Variants in KCNH7 observed in about 807,000 individuals in gnomAD.
KCNH7 encodes the protein voltage-gated inwardly rectifying potassium channel KCNH7.
Under a neutral mutation model 120.8 loss-of-function variants are expected in KCNH7, and 49 were observed. The ratio of observed to expected loss-of-function variants is 0.41; its 90% CI spans 0.32 to 0.51. KCNH7 has a LOEUF of 0.51. KCNH7 is among the 20% of genes least tolerant of loss of function. The pLI is 0.38. For missense variants in KCNH7, 1,097 were observed against 1,446.6 expected (o/e 0.76, Z 3.92); for synonymous variants, 547 against 516.1 (o/e 1.06, Z -0.81).
intron 2 of KCNH7, among the ~76,000 whole-genome samples, chr2:162,823,234 A>T (rs1326389099): frequency 4.9e-5 from 1 of 20,556 alleles, no homozygotes; most frequent in Non-Finnish European, 1.7e-4. Flanking sequence ...ATATGCTAAA[A>T]ATTGAAAAAA....
At position 162,453,050 on chromosome 2, in the gene KCNH7, T is replaced by C. The variant is rs145611133; in HGVS notation, c.1129-6607A>G. On this transcript the variant is annotated intron_variant, in intron 6 of 15. Transcript: ENST00000332142. The stretch of plus-strand genomic sequence containing the variant: ...GTGGTTTGCTGCACCTATCAACCCA[T>C]CATCTAGCTTTTAAGCCCCACATGC... Among the ~76,000 whole-genome samples the C allele has an allele frequency of 3.0e-3, 452 of 152,148 alleles. 9 individuals carry two copies. In the East Asian group the frequency reaches 0.081, roughly 27 times the overall value.
intron 2 of KCNH7, among the ~76,000 whole-genome samples, chr2:162,809,531 T>C (rs1684660193): frequency 6.6e-6 from 1 of 152,206 alleles, no homozygotes; most frequent in Admixed American, 6.5e-5. Context: ...ATTCCTGTAA[T>C]AACTATCATT....
At chr2:162,835,887 A>T (rs1685647337) in intron 2 of KCNH7, among the ~76,000 whole-genome samples, 1 of 152,116 alleles carries the variant, frequency 6.6e-6, no homozygotes, top group South Asian at 2.1e-4. Context: ...CTGTAGTTAT[A>T]AAAATCAATA....
chr2:162,788,649 T>C (rs1290658666), intron 2 of KCNH7, among the ~76,000 whole-genome samples: 1 of 151,820 alleles, frequency 6.6e-6, no homozygotes, highest in Non-Finnish European at 1.5e-5. Flanking sequence ...GTGAACCAAT[T>C]ATGTATTATT....
chr2:162,646,865 T>A (rs1684376388), intron 2 of KCNH7, among the ~76,000 whole-genome samples: 2 of 152,196 alleles, frequency 1.3e-5, no homozygotes, highest in Admixed American at 1.3e-4. Context: ...CTGGGTAACA[T>A]CTTGATTTTA....
intron 3 of KCNH7, among the ~76,000 whole-genome samples, chr2:162,535,816 T>C (rs754480631): frequency 6.6e-6 from 1 of 151,794 alleles, no homozygotes; most frequent in Non-Finnish European, 1.5e-5. Flanking sequence ...TTCTGAGCGA[T>C]AGATAGATCA....
chr2:162,685,938 A>G (rs748234142), intron 2 of KCNH7, among the ~76,000 whole-genome samples: 3 of 152,132 alleles, frequency 2.0e-5, no homozygotes, highest in Admixed American at 2.0e-4. Flanking sequence ...AAAGAAGACA[A>G]AACAATAAAA....
At chr2:162,379,350 G>A (rs762308064) in intron 14 of KCNH7, among the ~76,000 whole-genome samples, 1 of 152,138 alleles carries the variant, frequency 6.6e-6, no homozygotes, top group African/African-American at 2.4e-5. Context: ...CATGTTAAGT[G>A]GTTTAGATCA....
At chr2:162,772,960 C>T (rs1683108347) in intron 2 of KCNH7, among the ~76,000 whole-genome samples, 1 of 152,182 alleles carries the variant, frequency 6.6e-6, no homozygotes, top group South Asian at 2.1e-4. Flanking sequence ...CCTAATCGCT[C>T]TCCTTGAAGC....
At chr2:162,773,344 T>G (rs1422336240) in intron 2 of KCNH7, among the ~76,000 whole-genome samples, 2 of 151,984 alleles carry the variant, frequency 1.3e-5, no homozygotes, top group African/African-American at 4.8e-5. Flanking sequence ...AAAAATTAGC[T>G]GGGCATGGTG....
intron 2 of KCNH7, among the ~76,000 whole-genome samples, chr2:162,686,643 A>G (rs1685903057): frequency 6.6e-6 from 1 of 152,116 alleles, no homozygotes; most frequent in South Asian, 2.1e-4. Flanking sequence ...TGCATGCCTT[A>G]AGAGAACTGT....
intron 3 of KCNH7, among the ~76,000 whole-genome samples, chr2:162,535,716 CA>C (rs1202860439): frequency 4.6e-5 from 7 of 151,608 alleles, no homozygotes; most frequent in East Asian, 1.9e-4. Context: ...GAAAATTAAT[CA>C]AAAAATAACC....
At chr2:162,812,893 G>C (rs778711891) in intron 2 of KCNH7, among the ~76,000 whole-genome samples, 2 of 152,052 alleles carry the variant, frequency 1.3e-5, no homozygotes, top group Non-Finnish European at 2.9e-5. Context: ...GGAGTAACTG[G>C]TGACCTTTCA....
At chr2:162,675,075 A>G (rs970631632) in intron 2 of KCNH7, among the ~76,000 whole-genome samples, 1 of 151,656 alleles carries the variant, frequency 6.6e-6, no homozygotes, top group African/African-American at 2.4e-5. Context: ...TAAGACTACA[A>G]TAAACAGCCT....
chr2:162,461,523 A>G (rs76275545), intron 6 of KCNH7, among the ~76,000 whole-genome samples: 170 of 152,340 alleles, frequency 1.1e-3, no homozygotes, highest in South Asian at 2.5e-3. Flanking sequence ...ATAACATTCA[A>G]TGCTAATTAT....
intron 2 of KCNH7, among the ~76,000 whole-genome samples, chr2:162,557,441 C>T (rs990286798): frequency 1.3e-5 from 2 of 152,120 alleles, no homozygotes; most frequent in African/African-American, 4.8e-5. Flanking sequence ...GTCAATGAGT[C>T]CACAGGGTCC....
chr2:162,561,915 A>T (rs965611100), intron 2 of KCNH7, among the ~76,000 whole-genome samples: 2 of 152,190 alleles, frequency 1.3e-5, no homozygotes, highest in African/African-American at 4.8e-5. Context: ...TTGCAGGGAC[A>T]TGGATGACAC....
rs145722848 is a variant in KCNH7, at chr2:162,447,605, A to G, written c.1129-1162T>C. On this transcript the variant is annotated intron_variant, in intron 6 of 15. Coordinates refer to ENST00000332142, the MANE Select transcript of KCNH7 (RefSeq NM_033272.4). ...TTCCATAGACTAGATTGTTCTAAAC[A>G]CAATTAATACATCATCAGCTTTGCA... Among the ~76,000 whole-genome samples the G allele has an allele frequency of 3.8e-3, 579 of 152,260 alleles. 10 individuals carry two copies. Among genetic ancestry groups the G allele is most frequent in the African/African-American group, 0.013 (538 of 41,570 alleles).
chr2:162,623,970 A>G (rs1683455070), intron 2 of KCNH7, among the ~76,000 whole-genome samples: 1 of 152,146 alleles, frequency 6.6e-6, no homozygotes, highest in Admixed American at 6.5e-5. Flanking sequence ...AAACGTTTTA[A>G]ACTGTACACC....
Sources: gnomAD v4.1 joint callset for allele counts (sites outside exome capture counted in the v4.1 genomes callset) on GRCh38, gnomAD v4.1.1 for gene constraint, MANE v1.5 for transcripts, NCBI Gene and HGNC (gene_info 2026-07-23, HGNC 2026-07-21) for gene names.